The following CCDC141 variants were observed in gnomAD, a reference collection of about 807,000 sequenced individuals.
CCDC141 encodes coiled-coil domain-containing protein 141.
CCDC141 carries 168 observed loss-of-function variants against 181.0 expected under a neutral mutation model. The observed-to-expected ratio is 0.93, with a 90% CI of 0.82 to 1.05. CCDC141 has a LOEUF of 1.05. Ranked by LOEUF, CCDC141 falls within the 50% of genes least tolerant of loss-of-function variation. CCDC141 has a pLI of 0.00. For missense variants in CCDC141, 1,902 were observed against 1,788.5 expected (o/e 1.06, Z -1.14); for synonymous variants, 666 against 642.3 (o/e 1.04, Z -0.56).
intron 2 of CCDC141, among the ~76,000 whole-genome samples, chr2:179,043,681 T>C (rs1207947840): frequency 6.6e-6 from 1 of 152,106 alleles, no homozygotes; most frequent in African/African-American, 2.4e-5. Context: ...TACCTCAAAA[T>C]AACAAAAGCC....
At chr2:178,858,339 GATAA>G (rs1214500971) in intron 17 of CCDC141, among the ~76,000 whole-genome samples, 5 of 152,036 alleles carry the variant, frequency 3.3e-5, no homozygotes, top group East Asian at 1.9e-4. Flanking sequence ...AACAGGAAAG[GATAA>G]ATAATGTCAA....
At chr2:179,026,802 C>A (rs543651304) in intron 2 of CCDC141, among the ~76,000 whole-genome samples, 3 of 152,352 alleles carry the variant, frequency 2.0e-5, no homozygotes, top group South Asian at 2.1e-4. Context: ...ACCATGGGAA[C>A]CCACCTTTTG....
chr2:178,904,229 A>T (rs1687850078), intron 8 of CCDC141, among the ~76,000 whole-genome samples: 1 of 152,204 alleles, frequency 6.6e-6, no homozygotes, highest in Non-Finnish European at 1.5e-5. Context: ...TTCAAAGGGG[A>T]GAATCCCTTG....
chr2:178,944,050 T>A (rs753299046), intron 6 of CCDC141, among the ~76,000 whole-genome samples: 61 of 152,218 alleles, frequency 4.0e-4, no homozygotes, highest in Non-Finnish European at 5.7e-4. Flanking sequence ...AGAAAAAAAA[T>A]TTTTTAGAAA....
At chr2:179,044,618 T>C (rs2043425701) in intron 2 of CCDC141, among the ~76,000 whole-genome samples, 1 of 152,054 alleles carries the variant, frequency 6.6e-6, no homozygotes, top group African/African-American at 2.4e-5. Context: ...AATTTATCAG[T>C]GGACTGGGAA....
In CCDC141 at chr2:178,837,262, A is replaced by G. The variant is rs1281588790; in HGVS notation, c.3957T>C (p.His1319=). 6.2e-7 allele frequency: 1 copy of G among 1,614,058 alleles called. No homozygotes were observed. Among genetic ancestry groups the G allele is most frequent in the East Asian group, 2.2e-5 (1 of 44,850 alleles). Residue 1319 remains histidine, a synonymous_variant, in exon 23 of 24, where the codon CAT becomes CAC. Coordinates refer to ENST00000443758, the MANE Select transcript of CCDC141 (RefSeq NM_173648.4). ...GCACTTCACTCATCATGCTCTCTGG[A>G]TGTTCAGCACTGATTCTGTGTAAGG... ...STALHRISAE[H]PESMMSEVHE...
At chr2:179,046,363 A>T (rs1188829585) in intron 2 of CCDC141, among the ~76,000 whole-genome samples, 1 of 152,236 alleles carries the variant, frequency 6.6e-6, no homozygotes, top group Non-Finnish European at 1.5e-5. Context: ...GGGACAACAG[A>T]GCAAGTGCTG....
chr2:178,965,055 C>T (rs1690566562), intron 4 of CCDC141, among the ~76,000 whole-genome samples: 1 of 152,174 alleles, frequency 6.6e-6, no homozygotes, highest in Non-Finnish European at 1.5e-5. Context: ...AATAGGTATA[C>T]ACAATGTGGA....
At chr2:178,916,783 A>T (rs1178955695) in intron 7 of CCDC141, among the ~76,000 whole-genome samples, 2 of 152,156 alleles carry the variant, frequency 1.3e-5, no homozygotes, top group Non-Finnish European at 2.9e-5. Flanking sequence ...GGAGCTTATT[A>T]TAATTTGTAT....
At chr2:178,822,296 T>C in the CCDC141 span, among the ~76,000 whole-genome samples, 26 of 151,772 alleles carry the variant, frequency 1.7e-4, no homozygotes, top group African/African-American at 6.1e-4. Flanking sequence ...TTAGGAGATA[T>C]ACCTAATGTA....
At chr2:178,936,198 A>C (rs563604700) in intron 6 of CCDC141, among the ~76,000 whole-genome samples, 30 of 152,200 alleles carry the variant, frequency 2.0e-4, no homozygotes, top group Non-Finnish European at 3.2e-4. Context: ...GATATTGCCT[A>C]AGTTGTCTTC....
intron 2 of CCDC141, among the ~76,000 whole-genome samples, chr2:178,998,656 A>AT (rs917761202): frequency 1.3e-5 from 2 of 151,380 alleles, no homozygotes; most frequent in African/African-American, 2.4e-5. Context: ...GTCCATTAAA[A>AT]TTTTTTTTTC....
At position 178,943,226 on chromosome 2, in the gene CCDC141, T is replaced by C. The variant is rs193096488; in HGVS notation, c.897+1309A>G. On this transcript the variant is annotated intron_variant, in intron 6 of 23. Transcript: ENST00000443758. Reference sequence around the variant, plus strand: ...GATACAAACAGAATAAATTGCCATATAATTCAATGAAAAAAGTTAACCTCC... The same window carrying C: ...GATACAAACAGAATAAATTGCCATACAATTCAATGAAAAAAGTTAACCTCC... 2.0e-5 allele frequency among the ~76,000 whole-genome samples: 3 copies of C among 152,296 alleles called. No individual in the cohort carries two copies. The East Asian group carries it at 5.8e-4, about 29-fold the overall frequency.
intron 2 of CCDC141, among the ~76,000 whole-genome samples, chr2:179,006,669 T>C (rs915332536): frequency 6.6e-6 from 1 of 152,170 alleles, no homozygotes; most frequent in African/African-American, 2.4e-5. Context: ...TAAAATTAGA[T>C]CCAGGGTTGG....
In CCDC141 at chr2:178,865,814, G is replaced by C. The variant is rs1258738147; in HGVS notation, c.2677C>G (p.Leu893Val). The C allele has an allele frequency of 6.2e-7, 1 of 1,605,048 alleles. No individual in the cohort carries two copies. The highest frequency in any genetic ancestry group is 8.5e-7 in the Non-Finnish European group (1 of 1,175,548). Residue 893 changes from leucine (L) to valine (V), a missense_variant, in exon 17 of 24, where the codon CTG becomes GTG. Physicochemically the swap from Leu to Val is conservative, Grantham distance 32. Coordinates refer to ENST00000443758, the MANE Select transcript of CCDC141 (RefSeq NM_173648.4). ...RAKAEEYGRT[L>V]SRSVEYCAMR... ...GCGCAGTACTCCACACTACGGGACA[G>C]GGTCCGTCCATACTCCTCAGCTTTG...
chr2:178,984,421 C>A (rs999081368), intron 2 of CCDC141, among the ~76,000 whole-genome samples: 6 of 151,642 alleles, frequency 4.0e-5, no homozygotes, highest in South Asian at 2.1e-4. Flanking sequence ...CGAGCAAAAT[C>A]ACCAGCTAAC....
rs1422104964 is a variant in CCDC141 at position 178,853,461 on chromosome 2, T to A, written c.3224A>T (p.Asp1075Val). 1.9e-6 allele frequency: 3 copies of A among 1,614,112 alleles called. No homozygotes were observed. In the South Asian group the frequency reaches 3.3e-5, roughly 18 times the overall value. ...QQEERIQEAT[D>V]LAQHLYGLEE... ...CTCACCATATAAGTGCTGAGCAAGG[T>A]CAGTGGCCTCCTGAATCCTTTCTTC... The change falls in exon 20 of 24, where the codon GAC becomes GTC. Residue 1075 changes from aspartate (D) to valine (V), a missense_variant. Asp to Val is a radical substitution (Grantham distance 152, BLOSUM62 -3). Coordinates refer to ENST00000443758, the MANE Select transcript of CCDC141 (RefSeq NM_173648.4).
chr2:178,936,126 T>C (rs906540358), intron 6 of CCDC141, among the ~76,000 whole-genome samples: 2 of 152,150 alleles, frequency 1.3e-5, no homozygotes, highest in African/African-American at 4.8e-5. Flanking sequence ...CAATTTTTGC[T>C]TTGTTGCAAT....
intron 17 of CCDC141, among the ~76,000 whole-genome samples, chr2:178,860,312 C>A (rs1005392383): frequency 2.0e-5 from 3 of 151,854 alleles, no homozygotes; most frequent in African/African-American, 7.3e-5. Flanking sequence ...GCGGGTGGAT[C>A]ACCAGAGGTC....
Sources: gnomAD v4.1 joint callset for allele counts (sites outside exome capture counted in the v4.1 genomes callset) on GRCh38, gnomAD v4.1.1 for gene constraint, MANE v1.5 for transcripts, NCBI Gene and HGNC (gene_info 2026-07-23, HGNC 2026-07-21) for gene names.